Variants in CHIA observed in about 807,000 individuals in gnomAD.
CHIA encodes chitinase acidic.
In CHIA, 47 loss-of-function variants were observed where a neutral mutation model predicts 53.5. That is an observed-to-expected ratio of 0.88 (90% CI 0.70 to 1.12). The LOEUF (loss-of-function observed/expected upper bound fraction) is 1.12, where lower values mean the gene tolerates loss of function less well. Among genes scored for constraint, CHIA ranks in the 50% most tolerant of loss-of-function variants. The probability of loss-of-function intolerance (pLI) is 0.00; values close to 1 mark genes in which losing one functional copy is unlikely to be tolerated. For missense variants in CHIA, 652 were observed against 592.2 expected (o/e 1.10, Z -1.05); for synonymous variants, 268 against 222.2 (o/e 1.21, Z -1.83).
At position 111,320,202 on chromosome 1, in the gene CHIA, G is replaced by C; in HGVS notation, c.1178-11G>C. ...AGCCCACTAGTCTGCTCTTACTGCT[G>C]TATGTTTCAGGTTGCACGGCTCCAG... On this transcript the variant is annotated splice_polypyrimidine_tract_variant and intron_variant, in intron 11 of 11. Transcript: ENST00000369740. The C allele has an allele frequency of 6.2e-7, 1 of 1,611,702 alleles. No homozygotes were observed.
At chr1:111,314,934 A>T (rs1250968703) in intron 5 of CHIA, 1 of 378,010 alleles carries the variant, frequency 2.6e-6, no homozygotes, top group Non-Finnish European at 4.8e-6. Context: ...GGGGGGAGGA[A>T]TGAGAAAATC....
At chr1:111,294,343 A>G (rs1035014577) in intron 1 of CHIA, among the ~76,000 whole-genome samples, 2 of 151,746 alleles carry the variant, frequency 1.3e-5, no homozygotes, top group Admixed American at 1.3e-4. Context: ...TATTTTTATA[A>G]TTTTTCTTTT....
chr1:111,303,629 T>C (rs1237164997), intron 1 of CHIA, among the ~76,000 whole-genome samples: 1 of 152,138 alleles, frequency 6.6e-6, no homozygotes, highest in Non-Finnish European at 1.5e-5. Flanking sequence ...ACTCTGCTCT[T>C]TTACAGCCCC....
chr1:111,312,156 C>G (rs768877632), intron 3 of CHIA, 34 bp from the exon 4 acceptor site: 1 of 1,571,020 alleles, frequency 6.4e-7, no homozygotes, highest in Non-Finnish European at 8.8e-7. Context: ...GGATCCTAAA[C>G]CAGGCCATTG....
At chr1:111,317,450 T>G (rs1649247482) in intron 6 of CHIA, 1 of 433,754 alleles carries the variant, frequency 2.3e-6, no homozygotes, top group Non-Finnish European at 4.2e-6. Context: ...ACTAACTCAG[T>G]GTGGGACTTT....
intron 1 of CHIA, among the ~76,000 whole-genome samples, chr1:111,299,942 C>T (rs145806511): frequency 1.3e-5 from 2 of 151,874 alleles, no homozygotes; most frequent in Non-Finnish European, 2.9e-5. Context: ...CAATAACAGA[C>T]AAACAGAGAG....
chr1:111,320,160 G>A, intron 11 of CHIA, 53 bp from the exon 12 acceptor site: 1 of 1,559,824 alleles, frequency 6.4e-7, no homozygotes, highest in East Asian at 2.3e-5. Flanking sequence ...TCTAGGTGAA[G>A]CTTAGAGCCT....
intron 6 of CHIA, chr1:111,317,479 T>C (rs1649249269): frequency 3.7e-6 from 2 of 547,528 alleles, no homozygotes; most frequent in Non-Finnish European, 6.3e-6. Context: ...GTCCTAACTC[T>C]TATGCATATT....
intron 1 of CHIA, among the ~76,000 whole-genome samples, chr1:111,309,442 G>C (rs1461550474): frequency 6.6e-6 from 1 of 152,188 alleles, no homozygotes; most frequent in African/African-American, 2.4e-5. Flanking sequence ...ATATGTGCTA[G>C]AGTACATAAA....
At chr1:111,312,652 A>G (rs1648783979) in intron 4 of CHIA, among the ~76,000 whole-genome samples, 1 of 152,222 alleles carries the variant, frequency 6.6e-6, no homozygotes, top group Non-Finnish European at 1.5e-5. Flanking sequence ...TTTTGTGGTG[A>G]GAACACTTAA....
intron 1 of CHIA, among the ~76,000 whole-genome samples, chr1:111,296,732 T>A (rs1032514013): frequency 7.9e-5 from 12 of 152,188 alleles, no homozygotes; most frequent in African/African-American, 2.9e-4. Context: ...GTTTGATGAG[T>A]TGACAGAAGT....
chr1:111,299,250 C>A (rs962149730), intron 1 of CHIA, among the ~76,000 whole-genome samples: 22 of 152,184 alleles, frequency 1.4e-4, no homozygotes, highest in Non-Finnish European at 3.1e-4. Context: ...GGGCCAACAT[C>A]ATCCTGATAC....
chr1:111,317,601 A>G, intron 6 of CHIA, 80 bp from the exon 7 acceptor site: 1 of 1,494,938 alleles, frequency 6.7e-7, no homozygotes, highest in Non-Finnish European at 9.3e-7. Flanking sequence ...GAAGCATTAT[A>G]CAGACATATG....
In CHIA at chr1:111,319,477, C is replaced by T; in HGVS notation, c.1177+9C>T. On this transcript the variant is annotated intron_variant, in intron 11 of 11. Coordinates refer to ENST00000369740, the MANE Select transcript of CHIA (RefSeq NM_201653.4). ...CGGCCTGCAGAGTGCAAGTAAGTGA[C>T]TGAGGGGGAATGCCCAGGTGTATAA... 6.2e-7 allele frequency: 1 copy of T among 1,613,154 alleles called. No individual in the cohort carries two copies. Among genetic ancestry groups the T allele is most frequent in the Non-Finnish European group, 8.5e-7 (1 of 1,179,720 alleles).
chr1:111,306,984 C>T (rs1390554345), intron 1 of CHIA, among the ~76,000 whole-genome samples: 1 of 152,160 alleles, frequency 6.6e-6, no homozygotes, highest in Non-Finnish European at 1.5e-5. Flanking sequence ...GATAGGAATT[C>T]TCATACGTTG....
chr1:111,292,323 A>G lies in CHIA; in HGVS notation c.-69+1373A>G, dbSNP rs1661073235. Reference sequence around the variant, plus strand: ...GGTGAAATAACTTGTCTAATGTCACATATCTAGAAAGAAGGAGAACAAAAA... The same window carrying G: ...GGTGAAATAACTTGTCTAATGTCACGTATCTAGAAAGAAGGAGAACAAAAA... On this transcript the variant is annotated intron_variant, in intron 1 of 11. Transcript: ENST00000369740. Among the ~76,000 whole-genome samples the G allele has an allele frequency of 3.3e-5, 5 of 152,226 alleles. No individual in the cohort carries two copies. In the South Asian group the frequency reaches 1.0e-3, roughly 31 times the overall value.
At chr1:111,306,845 T>C (rs750224600) in intron 1 of CHIA, among the ~76,000 whole-genome samples, 2 of 152,162 alleles carry the variant, frequency 1.3e-5, no homozygotes, top group Non-Finnish European at 2.9e-5. Flanking sequence ...ATGTCAAAAA[T>C]GCTCAACCAC....
intron 1 of CHIA, among the ~76,000 whole-genome samples, chr1:111,305,274 G>A (rs1225871826): frequency 6.6e-6 from 1 of 152,192 alleles, no homozygotes; most frequent in East Asian, 1.9e-4. Flanking sequence ...ATAAAGGAAA[G>A]ATAAGAATGG....
chr1:111,293,524 C>T (rs1459314302), intron 1 of CHIA, among the ~76,000 whole-genome samples: 2 of 152,080 alleles, frequency 1.3e-5, no homozygotes, highest in Admixed American at 6.6e-5. Flanking sequence ...TATTTTCTAC[C>T]ATTCCGTGAG....
Sources: gnomAD v4.1 joint callset for allele counts (sites outside exome capture counted in the v4.1 genomes callset) on GRCh38, gnomAD v4.1.1 for gene constraint, MANE v1.5 for transcripts, NCBI Gene and HGNC (gene_info 2026-07-23, HGNC 2026-07-21) for gene names.